COL6A6: variants seen among roughly 807,000 people sequenced by gnomAD.
COL6A6 encodes the protein collagen alpha-6(VI) chain.
COL6A6 carries 183 observed loss-of-function variants against 208.6 expected under a neutral mutation model. The observed-to-expected ratio is 0.88, with a 90% CI of 0.78 to 0.99. The LOEUF (loss-of-function observed/expected upper bound fraction) is 0.99, where lower values mean the gene tolerates loss of function less well. COL6A6 is among the 50% of genes least tolerant of loss of function. The pLI, the probability that COL6A6 is intolerant of heterozygous loss-of-function variation, is 0.00. For missense variants in COL6A6, 2,816 were observed against 2,815.2 expected (o/e 1.00, Z -0.01); for synonymous variants, 973 against 1,011.8 (o/e 0.96, Z 0.73).
At chr3:130,585,450 A>G (rs143464194) in intron 10 of COL6A6, among the ~76,000 whole-genome samples, 1 of 152,358 alleles carries the variant, frequency 6.6e-6, no homozygotes, top group Non-Finnish European at 1.5e-5. Flanking sequence ...CATGTAAAGC[A>G]CTTAACCATT....
intron 2 of COL6A6, among the ~76,000 whole-genome samples, chr3:130,562,408 TTATAA>T (rs935589928): frequency 2.0e-5 from 3 of 152,200 alleles, no homozygotes; most frequent in Non-Finnish European, 4.4e-5. Context: ...AATTCACCAA[TTATAA>T]TATAATGCTC....
rs530495569 is a variant in COL6A6, at chr3:130,666,856, T to C, written c.6596+1760T>C. ...TGAATTCACAGATGAAGAAAAAAGA[T>C]ATAACAGGCAAGATAAATAGAAAGC... On this transcript the variant is annotated intron_variant, in intron 36 of 36. Coordinates refer to ENST00000358511, the MANE Select transcript of COL6A6 (RefSeq NM_001102608.3). Among the ~76,000 whole-genome samples, 363 of 152,220 alleles carry C rather than the reference T, an allele frequency of 2.4e-3. 2 individuals are homozygous for C. Among genetic ancestry groups the C allele is most frequent in the Middle Eastern group, 0.014 (4 of 294 alleles).
chr3:130,627,480 G>A, intron 26 of COL6A6, 111 bp downstream of exon 26: 1 of 847,250 alleles, frequency 1.2e-6, no homozygotes, highest in Admixed American at 2.0e-5. Flanking sequence ...ATCTTGGACA[G>A]TTAGAAATAT....
chr3:130,634,242 T>TAAAAAAAAAAAAAA (rs202193097), intron 26 of COL6A6, among the ~76,000 whole-genome samples: 1 of 23,808 alleles, frequency 4.2e-5, no homozygotes, highest in African/African-American at 5.8e-4. Flanking sequence ...AATAAATAAA[T>TAAAAAAAAAAAAAA]AAAAAAAAAA....
chr3:130,661,657 T>G lies in COL6A6; in HGVS notation c.5851T>G (p.Ser1951Ala), dbSNP rs767984004. The change falls in exon 35 of 37, where the codon TCT (serine) becomes GCT (alanine). Residue 1951 changes from serine (S) to alanine (A), a missense_variant. Physicochemically the swap from Ser to Ala is moderately conservative, Grantham distance 99 (BLOSUM62 1). Coordinates refer to ENST00000358511, the MANE Select transcript of COL6A6 (RefSeq NM_001102608.3). ...CACAGATGTGTGCAAGCCAGATGCT[T>G]CTTGTGACCAAGCCAGACCACCCCC... ...FCYDVCKPDA[S>A]CDQARPPPVQ... is the part of the protein sequence containing the mutation. 1 of 1,612,974 alleles carries G rather than the reference T, an allele frequency of 6.2e-7. No homozygotes were observed. The highest frequency in any genetic ancestry group is 8.5e-7 in the Non-Finnish European group (1 of 1,179,404).
intron 1 of COL6A6, among the ~76,000 whole-genome samples, chr3:130,546,017 G>A (rs556756416): frequency 1.1e-4 from 16 of 151,868 alleles, no homozygotes; most frequent in African/African-American, 3.9e-4. Flanking sequence ...AGGGTTTTTT[G>A]GTCATTTTTC....
intron 1 of COL6A6, among the ~76,000 whole-genome samples, chr3:130,553,300 T>G (rs1394924557): frequency 1.3e-5 from 2 of 152,238 alleles, no homozygotes; most frequent in Non-Finnish European, 2.9e-5. Context: ...CATAGATTGG[T>G]CTCTGTACAT....
intron 1 of COL6A6, among the ~76,000 whole-genome samples, chr3:130,530,810 C>T (rs1399164040): frequency 6.6e-6 from 1 of 152,086 alleles, no homozygotes; most frequent in Non-Finnish European, 1.5e-5. Context: ...GGGCCTCATT[C>T]AATCAGCTGA....
intron 21 of COL6A6, among the ~76,000 whole-genome samples, chr3:130,608,511 A>G (rs1045954267): frequency 8.7e-5 from 13 of 149,904 alleles, no homozygotes; most frequent in African/African-American, 2.7e-4. Context: ...TGATTTGAAT[A>G]TAAATATTAA....
Position 130,649,571 on chromosome 3 carries a change from A to G in COL6A6, c.5733+9A>G. ...TCAGGCGCGCATTTGCGGTATGAGG[A>G]TGAAACCTTTCACATGACAATTCTT... On this transcript the variant is annotated intron_variant, in intron 33 of 36. Transcript: ENST00000358511. The G allele has an allele frequency of 1.3e-6, 2 of 1,560,906 alleles. No individual in the cohort carries two copies. Among genetic ancestry groups the G allele is most frequent in the African/African-American group, 1.3e-5 (1 of 74,388 alleles).
chr3:130,560,487 G>T, intron 2 of COL6A6, 59 bp downstream of exon 2: 1 of 1,428,342 alleles, frequency 7.0e-7, no homozygotes. Flanking sequence ...TAATACATGA[G>T]TTTGACCTAT....
chr3:130,594,455 A>G, intron 18 of COL6A6, 112 bp downstream of exon 18: 1 of 769,390 alleles, frequency 1.3e-6, no homozygotes, highest in Non-Finnish European at 2.2e-6. Context: ...AAAACACCAC[A>G]GGCATGATTG....
At chr3:130,599,657 G>A (rs938548816) in intron 19 of COL6A6, 100 bp from the exon 20 acceptor site, 206 of 1,174,678 alleles carry the variant, frequency 1.8e-4, no homozygotes, top group Non-Finnish European at 5.7e-5. Context: ...TCATTGGTGT[G>A]TGAACCTATC....
chr3:130,663,834 A>G (rs2065999287), intron 35 of COL6A6, among the ~76,000 whole-genome samples: 1 of 152,258 alleles, frequency 6.6e-6, no homozygotes, highest in South Asian at 2.1e-4. Flanking sequence ...GAAATTATAC[A>G]CCATTCTTCT....
chr3:130,608,662 A>T (rs2064257833), intron 21 of COL6A6, among the ~76,000 whole-genome samples: 1 of 151,548 alleles, frequency 6.6e-6, no homozygotes, highest in South Asian at 2.1e-4. Flanking sequence ...ATGCATGCAT[A>T]TATATAAAGA....
At chr3:130,627,976 G>A (rs1009844231) in intron 26 of COL6A6, among the ~76,000 whole-genome samples, 2 of 152,146 alleles carry the variant, frequency 1.3e-5, no homozygotes, top group Non-Finnish European at 2.9e-5. Context: ...AGGATATCAT[G>A]TCTGCAAAAT....
rs541628941 is a variant in COL6A6 at position 130,586,752 on chromosome 3, GTTTA to G, written c.4125+96_4125+99del. 37 of 1,275,462 alleles carry G rather than the reference GTTTA, an allele frequency of 2.9e-5. No individual in the cohort carries two copies. The East Asian group carries it at 7.3e-4, about 25-fold the overall frequency. 79.0% of individuals were successfully genotyped at this position (1,275,462 alleles called of 1,614,324 possible). ...ATGCTTAAGAATTTGAACTTACTGTGTTTATTTGGGAGTGAAGAAAGGTTTTTAT... is the reference window on the plus strand; with the variant it reads ...ATGCTTAAGAATTTGAACTTACTGTGTTTGGGAGTGAAGAAAGGTTTTTAT... On this transcript the variant is annotated intron_variant, in intron 11 of 36. Coordinates refer to ENST00000358511, the MANE Select transcript of COL6A6 (RefSeq NM_001102608.3).
rs200864731 is a variant in COL6A6, at chr3:130,568,295, A to C, written c.2092A>C (p.Thr698Pro). The change falls in exon 6 of 37, where the codon ACC becomes CCC. Residue 698 changes from threonine (T) to proline (P), a missense_variant. Physicochemically the swap from Thr to Pro is conservative, Grantham distance 38. Coordinates refer to ENST00000358511, the MANE Select transcript of COL6A6 (RefSeq NM_001102608.3). ...AIDQMAHIGQ[T>P]TLTGSALSFV... ...AGACCAAATGGCTCACATTGGACAA[A>C]CCACCCTGACTGGTAGTGCCCTGAG... 6.2e-7 allele frequency: 1 copy of C among 1,614,018 alleles called. No homozygotes were observed. The highest frequency in any genetic ancestry group is 1.3e-5 in the African/African-American group (1 of 75,034).
At chr3:130,631,193 A>G (rs1211164751) in intron 26 of COL6A6, among the ~76,000 whole-genome samples, 1 of 63,184 alleles carries the variant, frequency 1.6e-5, no homozygotes, top group Admixed American at 2.5e-4. Flanking sequence ...TCAAATAGAC[A>G]CAATAAAAAA....
Sources: gnomAD v4.1 joint callset for allele counts (sites outside exome capture counted in the v4.1 genomes callset) on GRCh38, gnomAD v4.1.1 for gene constraint, MANE v1.5 for transcripts, NCBI Gene and HGNC (gene_info 2026-07-23, HGNC 2026-07-21) for gene names.